Variants in PHACTR2 observed in about 807,000 individuals in gnomAD.
PHACTR2 encodes chromosome 6 open reading frame 56.
Under a neutral mutation model 76.0 loss-of-function variants are expected in PHACTR2, and 30 were observed. That is an observed-to-expected ratio of 0.39 (90% CI 0.30 to 0.54). The LOEUF (loss-of-function observed/expected upper bound fraction) is 0.54. PHACTR2 is among the 20% of genes least tolerant of loss of function. The probability of loss-of-function intolerance (pLI) is 0.61; values close to 1 mark genes in which losing one functional copy is unlikely to be tolerated. For synonymous variants in PHACTR2, 292 were observed against 292.5 expected, an observed-to-expected ratio of 1.00 and a Z score of 0.02; for missense variants, 696 against 781.1, an observed-to-expected ratio of 0.89 and a Z score of 1.30.
In PHACTR2 at chr6:143,589,675, A is replaced by G. The variant is rs913465635; in HGVS notation, c.217+52468A>G. Among the ~76,000 whole-genome samples the G allele has an allele frequency of 1.3e-5, 2 of 152,140 alleles. No homozygotes were observed. Among genetic ancestry groups the G allele is most frequent in the Admixed American group, 1.3e-4 (2 of 15,276 alleles). ...GCCAGATTGAAGTGGGGCTCACTCTAACAGCTTCATTTTAATACCATCATC... is the reference window on the plus strand; with the variant it reads ...GCCAGATTGAAGTGGGGCTCACTCTGACAGCTTCATTTTAATACCATCATC... On this transcript the variant is annotated intron_variant, in intron 1 of 11. Coordinates refer to the PHACTR2 transcript ENST00000367584. This position sits in a 1 kb window ranked among gnomAD's most constrained non-coding sequence, Gnocchi z 4.4.
At position 143,741,931 on chromosome 6, in the gene PHACTR2, A is replaced by G. The variant is rs6936304; in HGVS notation, c.215-7054A>G. On this transcript the variant is annotated intron_variant, in intron 2 of 12. Transcript: ENST00000440869. ...AGCCTGGCCAACGTGGTGAAACCCC[A>G]TCTCTACCAAAAATACAAAAAAAAT... is the stretch of plus-strand genomic sequence containing the variant. Among the ~76,000 whole-genome samples the G allele has an allele frequency of 6.5e-3, 986 of 152,136 alleles. 11 individuals are homozygous for G. The highest frequency in any genetic ancestry group is 0.022 in the African/African-American group (918 of 41,514).
rs539317347 is a variant in PHACTR2 at position 143,624,992 on chromosome 6, C to T, written c.13+16670C>T. Among the ~76,000 whole-genome samples, 2 of 152,094 alleles carry T rather than the reference C, an allele frequency of 1.3e-5. No homozygotes were observed. Among genetic ancestry groups the T allele is most frequent in the South Asian group, 4.1e-4 (2 of 4,822 alleles). On this transcript the variant is annotated intron_variant, in intron 1 of 11. Coordinates refer to the PHACTR2 transcript ENST00000305766. This position sits in a 1 kb window ranked among gnomAD's most constrained non-coding sequence, Gnocchi z 4.6. ...TCAACATGGTGAAAACCCGTATCTA[C>T]TGAAAATAGAAAAATTAGCTGAGCG...
chr6:143,687,102 G>GA (rs1777543613), intron 1 of PHACTR2, among the ~76,000 whole-genome samples: 2 of 152,064 alleles, frequency 1.3e-5, no homozygotes, highest in African/African-American at 4.8e-5. Context: ...CTCTTACTTT[G>GA]AGAGAAAGAA....
intron 1 of PHACTR2, among the ~76,000 whole-genome samples, chr6:143,573,635 G>A (rs1323286396): frequency 1.3e-5 from 2 of 150,606 alleles, no homozygotes; most frequent in African/African-American, 4.9e-5. Flanking sequence ...AAAAGTTTCT[G>A]TTGATAACAG....
chr6:143,608,135 G>C, upstream of PHACTR2: 1 of 661,894 alleles, frequency 1.5e-6, no homozygotes. The surrounding 1 kb of genome is among the most constrained non-coding windows in gnomAD (Gnocchi z 4.6). Flanking sequence ...ATGGCTGTTT[G>C]TCATCCTTGG....
At position 143,591,546 on chromosome 6, in the gene PHACTR2, C is replaced by A. The variant is rs1185956695; in HGVS notation, c.217+54339C>A. Among the ~76,000 whole-genome samples the A allele has an allele frequency of 6.6e-6, 1 of 152,150 alleles. No individual in the cohort carries two copies. Among genetic ancestry groups the A allele is most frequent in the Non-Finnish European group, 1.5e-5 (1 of 68,022 alleles). ...GTTTCCAAGAGCAGCATGAACACAG[C>A]CCAGAGAGGCCGCAGACCTGAGGCT... On this transcript the variant is annotated intron_variant, in intron 1 of 11. Coordinates refer to the PHACTR2 transcript ENST00000367584. This position sits in a 1 kb window ranked among gnomAD's most constrained non-coding sequence, Gnocchi z 6.4.
Position 143,684,303 on chromosome 6 carries a change from A to G in PHACTR2, c.46+6094A>G, listed in dbSNP as rs2099552043. On this transcript the variant is annotated intron_variant, in intron 1 of 12. Coordinates refer to ENST00000440869, the MANE Select transcript of PHACTR2 (RefSeq NM_001100164.2). This position sits in a 1 kb window ranked among gnomAD's most constrained non-coding sequence, Gnocchi z 4.3. ...TTGACTTTCTACATTTCACCAAATG[A>G]TACCCCAACCACTCACTTATTCTAG... Among the ~76,000 whole-genome samples the G allele has an allele frequency of 6.6e-6, 1 of 152,146 alleles. No homozygotes were observed. The highest frequency in any genetic ancestry group is 2.4e-5 in the African/African-American group (1 of 41,432).
Position 143,610,762 on chromosome 6 carries a change from G to A in PHACTR2, c.13+2440G>A, listed in dbSNP as rs1775962493. On this transcript the variant is annotated intron_variant, in intron 1 of 11. Coordinates refer to the PHACTR2 transcript ENST00000305766. This position sits in a 1 kb window ranked among gnomAD's most constrained non-coding sequence, Gnocchi z 4.9. ...AAGAGCTGACATTCCTACTATCTCA[G>A]AGAAGGAGACATCCCTTCCCCATAA... Among the ~76,000 whole-genome samples the A allele has an allele frequency of 6.6e-6, 1 of 152,150 alleles. No homozygotes were observed. Among genetic ancestry groups the A allele is most frequent in the Admixed American group, 6.6e-5 (1 of 15,260 alleles).
At chr6:143,588,230 C>T (rs1287051327) in intron 1 of PHACTR2, among the ~76,000 whole-genome samples, 1 of 152,096 alleles carries the variant, frequency 6.6e-6, no homozygotes. Context: ...TAAGGTGGTA[C>T]TTAGTAACTC....
Position 143,538,238 on chromosome 6 carries a change from C to T in PHACTR2, c.217+1031C>T, listed in dbSNP as rs557645342. On this transcript the variant is annotated intron_variant, in intron 1 of 11. Coordinates refer to the PHACTR2 transcript ENST00000367584. Reference sequence around the variant, plus strand: ...GGAACTCAGCTAAGGCCGATGCTGCCGGCCGAGTTGTGTGACGTTGGGCAA... The same window carrying T: ...GGAACTCAGCTAAGGCCGATGCTGCTGGCCGAGTTGTGTGACGTTGGGCAA... Among the ~76,000 whole-genome samples, 7 of 152,328 alleles carry T rather than the reference C, an allele frequency of 4.6e-5. No homozygotes were observed. The East Asian group carries it at 7.7e-4, about 17-fold the overall frequency.
chr6:143,671,353 A>G lies in PHACTR2; in HGVS notation c.14-40663A>G, dbSNP rs1262515241. Among the ~76,000 whole-genome samples the G allele has an allele frequency of 1.3e-5, 2 of 152,092 alleles. No homozygotes were observed. Among genetic ancestry groups the G allele is most frequent in the South Asian group, 2.1e-4 (1 of 4,830 alleles). On this transcript the variant is annotated intron_variant, in intron 1 of 11. Transcript: ENST00000305766. The surrounding 1 kb of genome is among the most constrained non-coding windows in gnomAD (Gnocchi z 4.6). Reference sequence around the variant, plus strand: ...CCCCTGGATTCCTCAAACATATGCCATGCTCCTGTCTTTATATTAACTGGT... The same window carrying G: ...CCCCTGGATTCCTCAAACATATGCCGTGCTCCTGTCTTTATATTAACTGGT...
chr6:143,551,812 A>G (rs1775099219), intron 1 of PHACTR2, among the ~76,000 whole-genome samples: 1 of 152,166 alleles, frequency 6.6e-6, no homozygotes, highest in Admixed American at 6.5e-5. Context: ...TGCCCTGTAG[A>G]AGAGAGAAAT....
rs895425013 is a variant in PHACTR2, at chr6:143,710,623, G to A, written c.47-1393G>A. Among the ~76,000 whole-genome samples the A allele has an allele frequency of 9.9e-5, 15 of 152,220 alleles. No homozygotes were observed. The highest frequency in any genetic ancestry group is 2.1e-4 in the Non-Finnish European group (14 of 68,042). Reference sequence around the variant, plus strand: ...GAGGCAGGAGAATTGCTTGAACCAAGGAGGCGGTGGTTGCAGTGAGCTGAG... The same window carrying A: ...GAGGCAGGAGAATTGCTTGAACCAAAGAGGCGGTGGTTGCAGTGAGCTGAG... On this transcript the variant is annotated intron_variant, in intron 1 of 12. Coordinates refer to ENST00000440869, the MANE Select transcript of PHACTR2 (RefSeq NM_001100164.2). This position sits in a 1 kb window ranked among gnomAD's most constrained non-coding sequence, Gnocchi z 4.9.
intron 11 of PHACTR2, among the ~76,000 whole-genome samples, chr6:143,798,377 G>GAAT (rs1427003657): frequency 6.6e-6 from 1 of 152,140 alleles, no homozygotes; most frequent in East Asian, 1.9e-4. Flanking sequence ...CTTCCTATTT[G>GAAT]AATACCTTTT....
rs1775112636 is a variant in PHACTR2, at chr6:143,771,180, A to ATG, written c.1233-1077_1233-1076insGT. On this transcript the variant is annotated intron_variant, in intron 6 of 12. Coordinates refer to ENST00000440869, the MANE Select transcript of PHACTR2 (RefSeq NM_001100164.2). Reference sequence around the variant, plus strand: ...TATGTATATATATATATATGTATATATATATATATGTGTGTATATATATAT... The same window carrying ATG: ...TATGTATATATATATATATGTATATATGTATATATATGTGTGTATATATATAT... 9.8e-5 allele frequency among the ~76,000 whole-genome samples: 5 copies of ATG among 50,956 alleles called. 1 individual carries two copies. Among genetic ancestry groups the ATG allele is most frequent in the Non-Finnish European group, 3.0e-5 (1 of 33,112 alleles). 33.4% of individuals were successfully genotyped at this position (50,956 alleles called of 152,430 possible).
At chr6:143,763,985 A>T (rs1159495996) in intron 5 of PHACTR2, among the ~76,000 whole-genome samples, 1 of 152,244 alleles carries the variant, frequency 6.6e-6, no homozygotes, top group Non-Finnish European at 1.5e-5. Flanking sequence ...GAGTATTCTC[A>T]TAGGAGTTTA....
chr6:143,673,228 G>A (rs530736746), upstream of PHACTR2, among the ~76,000 whole-genome samples: 299 of 152,108 alleles, frequency 2.0e-3, 2 homozygotes, highest in Non-Finnish European at 3.0e-3. Flanking sequence ...ATTTCAGAGG[G>A]GCATACAAAA....
chr6:143,726,075 A>G (rs77426140), intron 2 of PHACTR2, among the ~76,000 whole-genome samples: 9,125 of 152,248 alleles, frequency 0.06, 830 homozygotes, highest in African/African-American at 0.19. Context: ...TCTTGTGTAC[A>G]TTCTTGTGTG....
chr6:143,657,494 T>TA lies in PHACTR2; in HGVS notation c.13+49173dup, dbSNP rs539262066. ...ATGTACTCTTTTGTGTCTGGTTTCT[T>TA]ACACTCAGGAAAATGGTTTTGAAGG... On this transcript the variant is annotated intron_variant, in intron 1 of 11. Coordinates refer to the PHACTR2 transcript ENST00000305766. Among the ~76,000 whole-genome samples the TA allele has an allele frequency of 3.5e-4, 53 of 152,326 alleles. 1 individual carries two copies. The South Asian group carries it at 0.011, about 32-fold the overall frequency.
Sources: gnomAD v4.1 joint callset for allele counts (sites outside exome capture counted in the v4.1 genomes callset) on GRCh38, gnomAD v4.1.1 for gene constraint, Gnocchi (gnomAD v3.1) non-coding constraint, MANE v1.5 for transcripts, NCBI Gene and HGNC (gene_info 2026-07-23, HGNC 2026-07-21) for gene names.